Variants in MDN1 observed in about 807,000 individuals in gnomAD.
The protein encoded by MDN1 is midasin.
MDN1 carries 266 observed loss-of-function variants against 669.2 expected under a neutral mutation model. The observed-to-expected ratio is 0.40, with a 90% CI of 0.36 to 0.44. The LOEUF (loss-of-function observed/expected upper bound fraction) is 0.44, where lower values mean the gene tolerates loss of function less well. Among genes scored for constraint, MDN1 ranks in the 20% least tolerant of loss-of-function variants. The pLI is 1.00. For missense variants in MDN1, 5,940 were observed against 6,754.0 expected (o/e 0.88, Z 4.22); for synonymous variants, 2,385 against 2,457.1 (o/e 0.97, Z 0.87).
At chr6:89,758,739 A>G (rs1176594416) in intron 18 of MDN1, 77 bp downstream of exon 18, 2 of 1,500,174 alleles carry the variant, frequency 1.3e-6, no homozygotes, top group South Asian at 1.2e-5. Context: ...CCTTCTAACA[A>G]CAACAACAAA....
intron 30 of MDN1, 71 bp downstream of exon 30, chr6:89,743,505 C>T (rs556987388): frequency 6.5e-6 from 10 of 1,533,406 alleles, no homozygotes; most frequent in African/African-American, 2.8e-5. Flanking sequence ...GCTCCAGAAA[C>T]CCCACCACTA....
At chr6:89,728,099 C>A (rs1815352743) in intron 36 of MDN1, 144 bp from the exon 37 acceptor site, 5 of 988,780 alleles carry the variant, frequency 5.1e-6, no homozygotes, top group Non-Finnish European at 7.2e-6. Context: ...TAACCAATCC[C>A]AGCTCTCTTT....
chr6:89,670,151 TATATATATATATA>T (rs1276802256), intron 83 of MDN1, among the ~76,000 whole-genome samples: 61 of 22,384 alleles, frequency 2.7e-3, no homozygotes, highest in Non-Finnish European at 3.9e-3. Flanking sequence ...TATATATATA[TATATATATATATA>T]TATATATTTT....
chr6:89,725,682 C>T (rs1815170595), intron 37 of MDN1, among the ~76,000 whole-genome samples: 1 of 151,734 alleles, frequency 6.6e-6, no homozygotes, highest in Admixed American at 6.6e-5. Flanking sequence ...GAGATCCTCC[C>T]ATCTCAGCCT....
At chr6:89,684,253 G>A (rs1246909125) in intron 71 of MDN1, among the ~76,000 whole-genome samples, 3 of 152,144 alleles carry the variant, frequency 2.0e-5, no homozygotes. Context: ...TGAGGCAGGA[G>A]AATTGCTTGA....
chr6:89,784,868 G>C (rs1310688154), intron 9 of MDN1, 144 bp downstream of exon 9: 3 of 558,554 alleles, frequency 5.4e-6, no homozygotes, highest in African/African-American at 3.8e-5. Flanking sequence ...AAAAATAACA[G>C]ATGAAGCAAA....
chr6:89,793,861 C>T lies in MDN1; in HGVS notation c.756G>A (p.Gln252=). The T allele has an allele frequency of 6.2e-7, 1 of 1,614,192 alleles. No individual in the cohort carries two copies. Among genetic ancestry groups the T allele is most frequent in the Non-Finnish European group, 8.5e-7 (1 of 1,180,016 alleles). Residue 252 remains glutamine (Q), a synonymous_variant, in exon 5 of 102, where the codon CAG becomes CAA. Transcript: ENST00000369393. ...VSLWRKQKEL[Q]YLQGHLVSSD... The stretch of plus-strand genomic sequence containing the variant: ...ACGAAACAAGATGTCCCTGTAAGTA[C>T]TGCAGCTCCTTCTGCTTACGCCAAA...
chr6:89,646,548 A>T lies in MDN1; in HGVS notation c.16451T>A (p.Ile5484Asn). 1.2e-6 allele frequency: 2 copies of T among 1,614,026 alleles called. No individual in the cohort carries two copies. The highest frequency in any genetic ancestry group is 1.7e-6 in the Non-Finnish European group (2 of 1,179,856). The change falls in exon 100 of 102, where the codon ATC (isoleucine) becomes AAC (asparagine). Residue 5484 changes from isoleucine to asparagine, a missense_variant. Physicochemically the swap from Ile to Asn is moderately radical, Grantham distance 149. Coordinates refer to ENST00000369393, the MANE Select transcript of MDN1 (RefSeq NM_014611.3). ...FAAAQQLSQNISSETAQLLLV... is the reference protein window; with the variant it reads ...FAAAQQLSQNNSSETAQLLLV... ...GAAGGCATGCAGCTCACCTGAACTGATGTTCTGCGAGAGCTGCTGAGCAGC... is the reference window on the plus strand; with the variant it reads ...GAAGGCATGCAGCTCACCTGAACTGTTGTTCTGCGAGAGCTGCTGAGCAGC...
intron 46 of MDN1, among the ~76,000 whole-genome samples, chr6:89,714,050 A>AG (rs1211109855): frequency 6.8e-6 from 1 of 147,932 alleles, no homozygotes; most frequent in African/African-American, 2.5e-5. Context: ...AAAAAAAAGA[A>AG]AAAAAAAAAA....
chr6:89,780,446 A>G (rs1818610932), intron 10 of MDN1, among the ~76,000 whole-genome samples, 153 bp from the exon 11 acceptor site: 1 of 152,170 alleles, frequency 6.6e-6, no homozygotes, highest in Admixed American at 6.5e-5. Context: ...TATTTGGGAA[A>G]CCAGTAAGGG....
At chr6:89,723,683 C>T in intron 38 of MDN1, 64 bp from the exon 39 acceptor site, 1 of 870,212 alleles carries the variant, frequency 1.1e-6, no homozygotes, top group Non-Finnish European at 1.7e-6. Context: ...CTAGAAATGA[C>T]TACCATGTCT....
intron 33 of MDN1, among the ~76,000 whole-genome samples, chr6:89,734,691 A>AAGAGAGAGAGAGAGAG (rs1554188772): frequency 3.5e-5 from 4 of 112,994 alleles, no homozygotes; most frequent in East Asian, 3.4e-4. Flanking sequence ...AAAAAAAAAC[A>AAGAGAGAGAGAGAGAG]AGAGAGAGAG....
intron 50 of MDN1, 44 bp from the exon 51 acceptor site, chr6:89,708,672 A>C: frequency 6.3e-7 from 1 of 1,594,020 alleles, no homozygotes; most frequent in Admixed American, 1.7e-5. Flanking sequence ...AATATTGGAG[A>C]AACTCCTTGC....
intron 46 of MDN1, 141 bp downstream of exon 46, chr6:89,714,402 G>A: frequency 2.5e-6 from 2 of 814,702 alleles, no homozygotes; most frequent in South Asian, 4.3e-5. Context: ...GGGGTGTCTG[G>A]AAATCCACAT....
intron 96 of MDN1, 44 bp downstream of exon 96, chr6:89,650,688 G>A (rs373578445): frequency 9.3e-5 from 134 of 1,448,100 alleles, no homozygotes; most frequent in African/African-American, 2.3e-4. Context: ...TGAAGCTGCC[G>A]TCTTCTCAGG....
intron 20 of MDN1, 109 bp from the exon 21 acceptor site, chr6:89,754,339 C>T: frequency 9.0e-7 from 1 of 1,114,256 alleles, no homozygotes; most frequent in Non-Finnish European, 1.3e-6. Flanking sequence ...AATGATCATG[C>T]ACACAACTTC....
intron 88 of MDN1, 112 bp downstream of exon 88, chr6:89,661,319 C>G: frequency 8.0e-7 from 1 of 1,254,296 alleles, no homozygotes; most frequent in South Asian, 1.5e-5. Flanking sequence ...ATTGAGCCTA[C>G]CAAACGTGAT....
intron 1 of MDN1, 118 bp downstream of exon 1, chr6:89,819,388 G>A (rs749681628): frequency 2.4e-5 from 23 of 954,508 alleles, no homozygotes; most frequent in Non-Finnish European, 2.9e-5. Context: ...GGGCCAGCTT[G>A]ACCTGAGGCT....
Position 89,696,568 on chromosome 6 carries a change from C to G in MDN1, c.9175G>C (p.Gly3059Arg). 1 of 1,613,286 alleles carries G rather than the reference C, an allele frequency of 6.2e-7. No homozygotes were observed. Among genetic ancestry groups the G allele is most frequent in the Non-Finnish European group, 8.5e-7 (1 of 1,179,342 alleles). The change falls in exon 60 of 102, where the codon GGC becomes CGC. Residue 3059 changes from glycine (G) to arginine (R), a missense_variant. This residue lies in a region of MDN1 where 2,292 missense variants were observed against 2,638.3 expected (regional missense o/e 0.87). Transcript: ENST00000369393. Reference sequence around the variant, plus strand: ...GAGAATATGGGTCTATTGAGATTGCCGGGGCCCTAAAGGACAAGAGAAGAG... The same window carrying G: ...GAGAATATGGGTCTATTGAGATTGCGGGGGCCCTAAAGGACAAGAGAAGAG... Reference protein sequence around the residue: ...SVLDSTLKGPGNLNRPIFSKC... With the variant: ...SVLDSTLKGPRNLNRPIFSKC...
Sources: gnomAD v4.1 joint callset for allele counts (sites outside exome capture counted in the v4.1 genomes callset) on GRCh38, gnomAD v4.1.1 for gene constraint, gnomAD v4.1.1 regional missense constraint, MANE v1.5 for transcripts, NCBI Gene and HGNC (gene_info 2026-07-23, HGNC 2026-07-21) for gene names.